The following PCDHA3 variants were observed in gnomAD, a reference collection of about 807,000 sequenced individuals.
PCDHA3 encodes the protein protocadherin alpha-3.
A neutral mutation model predicts 62.2 loss-of-function variants in PCDHA3; 41 were observed. That is an observed-to-expected ratio of 0.66 (90% CI 0.51 to 0.86). The LOEUF (loss-of-function observed/expected upper bound fraction) is 0.86, where lower values mean the gene tolerates loss of function less well. PCDHA3 is among the 40% of genes least tolerant of loss of function. The pLI, the probability that PCDHA3 is intolerant of heterozygous loss-of-function variation, is 0.00. For missense variants in PCDHA3, 1,304 were observed against 1,241.2 expected, an observed-to-expected ratio of 1.05 and a Z score of -0.76; for synonymous variants, 640 against 555.4, an observed-to-expected ratio of 1.15 and a Z score of -2.14.
intron 1 of PCDHA3, among the ~76,000 whole-genome samples, chr5:140,819,420 C>T (rs1394796669): frequency 6.6e-6 from 1 of 152,078 alleles, no homozygotes; most frequent in Non-Finnish European, 1.5e-5. Context: ...CTTTAATATA[C>T]TACACAGTTT....
chr5:140,999,890 T>C (rs2097882236), intron 3 of PCDHA3, among the ~76,000 whole-genome samples: 1 of 152,168 alleles, frequency 6.6e-6, no homozygotes, highest in South Asian at 2.1e-4. Context: ...CAGCTGTAGC[T>C]TGGGACACCA....
chr5:140,842,929 C>A lies in PCDHA3; in HGVS notation c.2394+39338C>A, dbSNP rs2150347942. 3.8e-6 allele frequency: 6 copies of A among 1,594,270 alleles called. 1 individual carries two copies. The highest frequency in any genetic ancestry group is 5.1e-6 in the Non-Finnish European group (6 of 1,165,428). On this transcript the variant is annotated intron_variant, in intron 1 of 3. Coordinates refer to ENST00000522353, the MANE Select transcript of PCDHA3 (RefSeq NM_018906.3). ...TAGAGCTGCTGCAGTTCCAGGTGAGCGCGCGCGACGCGGGCGTGCCGCCTC... is the reference window on the plus strand; with the variant it reads ...TAGAGCTGCTGCAGTTCCAGGTGAGAGCGCGCGACGCGGGCGTGCCGCCTC...
chr5:140,868,979 C>T, intron 1 of PCDHA3: 6 of 1,485,290 alleles, frequency 4.0e-6, no homozygotes, highest in Non-Finnish European at 5.4e-6. Flanking sequence ...TCCATCATAC[C>T]GGATGCCACC....
chr5:141,010,938 A>G lies in PCDHA3; in HGVS notation c.*1001A>G, dbSNP rs1210392691. ...TCAAAAGAGAATTCAGTCTACAGCC[A>G]TTTAAATGATCATTGCTGCTACAGA... On this transcript the variant is annotated 3_prime_UTR_variant, in exon 4 of 4. Coordinates refer to ENST00000522353, the MANE Select transcript of PCDHA3 (RefSeq NM_018906.3). 6 of 153,824 alleles carry G rather than the reference A, an allele frequency of 3.9e-5. No homozygotes were observed. Among genetic ancestry groups the G allele is most frequent in the African/African-American group, 1.4e-4 (6 of 41,470 alleles). The allele number at this position is 153,824 out of a possible 1,614,324, so 9.5% of individuals were successfully genotyped here. A position where few individuals can be genotyped will look rare whatever the true frequency, so the allele number is the denominator to read the frequency against.
At chr5:140,957,689 A>G (rs2095375568) in intron 1 of PCDHA3, among the ~76,000 whole-genome samples, 1 of 152,234 alleles carries the variant, frequency 6.6e-6, no homozygotes. Flanking sequence ...TATCTAGACA[A>G]TGAACATTAT....
At chr5:140,875,790 G>A (rs376091049) in intron 1 of PCDHA3, 1 of 1,614,214 alleles carries the variant, frequency 6.2e-7, no homozygotes, top group Non-Finnish European at 8.5e-7. Flanking sequence ...GTATCCACCT[G>A]GAGGTGATCG....
chr5:141,000,417 ATATATTTTTT>A (rs2097924181), intron 3 of PCDHA3, among the ~76,000 whole-genome samples: 1 of 77,748 alleles, frequency 1.3e-5, no homozygotes, highest in Non-Finnish European at 2.3e-5. Context: ...ATATATATAT[ATATATTTTTT>A]TTTTTTTTTT....
chr5:140,870,308 A>G, intron 1 of PCDHA3: 1 of 1,614,140 alleles, frequency 6.2e-7, no homozygotes, highest in Non-Finnish European at 8.5e-7. Context: ...ACCTTCAAGA[A>G]TTACTACTCG....
intron 1 of PCDHA3, chr5:140,857,725 C>T: frequency 6.3e-7 from 1 of 1,597,502 alleles, no homozygotes; most frequent in Non-Finnish European, 8.6e-7. Context: ...ACGAGAACGA[C>T]AACGCTCCCG....
At chr5:140,828,998 G>A (rs2150161774) in intron 1 of PCDHA3, 7 of 1,613,996 alleles carry the variant, frequency 4.3e-6, no homozygotes, top group South Asian at 3.3e-5. Context: ...GGGAGAAATA[G>A]TGATTCGGGG....
chr5:140,893,112 G>T (rs782797637), intron 1 of PCDHA3, among the ~76,000 whole-genome samples: 5 of 152,148 alleles, frequency 3.3e-5, no homozygotes, highest in Non-Finnish European at 7.3e-5. Flanking sequence ...ATTCCGTTGT[G>T]CATATACACC....
At chr5:140,888,994 T>G (rs1486471421) in intron 1 of PCDHA3, among the ~76,000 whole-genome samples, 1 of 152,272 alleles carries the variant, frequency 6.6e-6, no homozygotes, top group African/African-American at 2.4e-5. Context: ...TATGATTTTC[T>G]TATGGCAAAC....
intron 1 of PCDHA3, chr5:140,849,989 G>A: frequency 2.5e-6 from 4 of 1,597,330 alleles, no homozygotes; most frequent in Non-Finnish European, 3.4e-6. Flanking sequence ...TGGAGCGGCG[G>A]TTGGGCGAGC....
At chr5:140,803,973 T>A in intron 1 of PCDHA3, 1 of 313,154 alleles carries the variant, frequency 3.2e-6, no homozygotes, top group Non-Finnish European at 5.8e-6. Flanking sequence ...CACTTTTCAT[T>A]TGGACTTCCT....
At chr5:140,810,339 G>A (rs1344162915) in intron 1 of PCDHA3, 5 of 152,044 alleles carry the variant, frequency 3.3e-5, no homozygotes, top group African/African-American at 4.8e-5. Context: ...TTTCTCTCAG[G>A]TTTTTGCCTA....
In PCDHA3 at chr5:140,802,990, A is replaced by G. The variant is rs1462941214; in HGVS notation, c.1793A>G (p.Asp598Gly). The change falls in exon 1 of 4, where the codon GAT becomes GGT. Residue 598 changes from aspartate (D) to glycine (G), a missense_variant. By Grantham distance (94) the Asp-to-Gly change is moderately conservative (BLOSUM62 -1). Coordinates refer to ENST00000522353, the MANE Select transcript of PCDHA3 (RefSeq NM_018906.3). ...GTGGTAGCGAAGGTGCGCGCAGTGGATGCAGACTCAGGCTACAACGCGTGG... is the reference window on the plus strand; with the variant it reads ...GTGGTAGCGAAGGTGCGCGCAGTGGGTGCAGACTCAGGCTACAACGCGTGG... ...GHVVAKVRAV[D>G]ADSGYNAWLS... is the part of the protein sequence containing the mutation. 2 of 1,613,894 alleles carry G rather than the reference A, an allele frequency of 1.2e-6. No homozygotes were observed. Among genetic ancestry groups the G allele is most frequent in the Admixed American group, 3.3e-5 (2 of 60,000 alleles).
chr5:140,824,374 G>A lies in PCDHA3; in HGVS notation c.2394+20783G>A, dbSNP rs1722536546. On this transcript the variant is annotated intron_variant, in intron 1 of 3. Coordinates refer to ENST00000522353, the MANE Select transcript of PCDHA3 (RefSeq NM_018906.3). ...TATTTTATATTAGCATTTGAATTTT[G>A]CATCTCTAAAAATGTAGGATAATAA... 2.5e-5 allele frequency: 14 copies of A among 568,300 alleles called. No individual in the cohort carries two copies. In the South Asian group the frequency reaches 3.2e-4, roughly 13 times the overall value. The allele number at this position is 568,300 out of a possible 1,614,324, so 35.2% of individuals were successfully genotyped here. A position where few individuals can be genotyped will look rare whatever the true frequency, so the allele number is the denominator to read the frequency against.
chr5:140,871,413 C>A (rs2053063966), intron 1 of PCDHA3: 1 of 1,614,002 alleles, frequency 6.2e-7, no homozygotes, highest in East Asian at 2.2e-5. Flanking sequence ...ACCTCATGGC[C>A]TTCAGCCCCA....
chr5:140,842,395 T>C, intron 1 of PCDHA3: 1 of 1,611,538 alleles, frequency 6.2e-7, no homozygotes, highest in Non-Finnish European at 8.5e-7. Flanking sequence ...TATCCTTGCC[T>C]GTACGTGAAG....
Sources: allele counts gnomAD v4.1 joint callset (sites outside exome capture counted in the v4.1 genomes callset), GRCh38; gene constraint gnomAD v4.1.1; transcripts MANE v1.5; gene names NCBI Gene and HGNC (gene_info 2026-07-23, HGNC 2026-07-21).